The following RORA variants were observed in gnomAD, a reference collection of about 807,000 sequenced individuals.
RORA encodes RAR related orphan receptor A, also known as nuclear receptor ROR-alpha.
RORA carries 7 observed loss-of-function variants against 69.5 expected under a neutral mutation model. That is an observed-to-expected ratio of 0.10 (90% CI 0.06 to 0.19). The LOEUF (loss-of-function observed/expected upper bound fraction) is 0.19. RORA is among the 10% of genes least tolerant of loss of function. RORA has a pLI of 1.00. For missense variants in RORA, 457 were observed against 663.0 expected (o/e 0.69, Z 3.41); for synonymous variants, 261 against 240.8 (o/e 1.08, Z -0.78).
Position 60,531,595 on chromosome 15 carries a change from A to G in RORA, c.282+171T>C. 1.9e-6 allele frequency: 1 copy of G among 539,130 alleles called. No homozygotes were observed. Among genetic ancestry groups the G allele is most frequent in the Non-Finnish European group, 3.2e-6 (1 of 310,516 alleles). 33.4% of individuals were successfully genotyped at this position (539,130 alleles called of 1,614,324 possible). A position where few individuals can be genotyped will look rare whatever the true frequency, so the allele number is the denominator to read the frequency against. ...ATTTTGAAGGAAGGAGTAAAAATAT[A>G]TATAACTTCTTTAATTGTAATTTAA... On this transcript the variant is annotated intron_variant, in intron 3 of 10. Coordinates refer to ENST00000335670, the MANE Select transcript of RORA (RefSeq NM_134261.3). The surrounding 1 kb of genome is among the most constrained non-coding windows in gnomAD (Gnocchi z 4.8).
Position 60,565,977 on chromosome 15 carries a change from C to T in RORA, c.197-34126G>A, listed in dbSNP as rs147517662. On this transcript the variant is annotated intron_variant, in intron 2 of 10. Transcript: ENST00000335670. ...CTGGTAAACTGTTAATTAAGCATTT[C>T]GGTAATATAATGCAAAGTTAATAAC... 1.9e-3 allele frequency among the ~76,000 whole-genome samples: 284 copies of T among 152,204 alleles called. 1 individual carries two copies. The highest frequency in any genetic ancestry group is 2.6e-3 in the Non-Finnish European group (178 of 68,004).
chr15:60,680,960 A>C (rs1330544723), intron 1 of RORA, among the ~76,000 whole-genome samples: 1 of 152,224 alleles, frequency 6.6e-6, no homozygotes, highest in Non-Finnish European at 1.5e-5. Flanking sequence ...ACGACTGTGC[A>C]TGATATTTAA....
chr15:61,073,445 T>C (rs2078399070), intron 1 of RORA, among the ~76,000 whole-genome samples: 1 of 152,156 alleles, frequency 6.6e-6, no homozygotes, highest in South Asian at 2.1e-4. Context: ...TCTAGGCACA[T>C]TTCTTCACAG....
chr15:60,764,440 G>A (rs754817199), intron 1 of RORA, among the ~76,000 whole-genome samples: 4 of 152,024 alleles, frequency 2.6e-5, no homozygotes, highest in Non-Finnish European at 4.4e-5. Context: ...TTCTGTAAAT[G>A]GGGCTCTGGA....
chr15:60,794,627 C>T (rs896634251), intron 1 of RORA, among the ~76,000 whole-genome samples: 1 of 152,196 alleles, frequency 6.6e-6, no homozygotes, highest in Admixed American at 6.5e-5. Flanking sequence ...CCCCAATATC[C>T]CTATGAGCTG....
intron 1 of RORA, among the ~76,000 whole-genome samples, chr15:61,191,378 A>C (rs1249013157): frequency 2.0e-5 from 3 of 151,668 alleles, no homozygotes; most frequent in African/African-American, 4.8e-5. Context: ...AAAAAAAAAA[A>C]AAAGAAAGAA....
intron 1 of RORA, among the ~76,000 whole-genome samples, chr15:60,829,761 G>A (rs1164855472): frequency 1.3e-5 from 2 of 152,230 alleles, no homozygotes; most frequent in African/African-American, 2.4e-5. Context: ...GCCAGTGCTG[G>A]TGATGATCTC....
chr15:60,765,073 G>GTGGGAATCTGAAATGCCTAC (rs1365958233), intron 1 of RORA: 2 of 152,028 alleles, frequency 1.3e-5, no homozygotes, highest in African/African-American at 4.8e-5. Context: ...TGACAAAGTA[G>GTGGGAATCTGAAATGCCTAC]TGGGAATCTG....
chr15:60,763,535 C>T (rs1329925527), intron 1 of RORA, among the ~76,000 whole-genome samples: 1 of 152,176 alleles, frequency 6.6e-6, no homozygotes, highest in African/African-American at 2.4e-5. Flanking sequence ...AGGTTCGCTG[C>T]TGCCAGCCTT....
At chr15:60,543,565 A>T (rs758447819) in intron 2 of RORA, among the ~76,000 whole-genome samples, 3 of 151,842 alleles carry the variant, frequency 2.0e-5, no homozygotes, top group Non-Finnish European at 4.4e-5. Flanking sequence ...TGCAACCTCC[A>T]CTTCCTGGCC....
intron 1 of RORA, among the ~76,000 whole-genome samples, chr15:61,205,636 A>G (rs10454694): frequency 0.96 from 145,730 of 152,298 alleles, 70,030 homozygotes; most frequent in East Asian, 1. Flanking sequence ...ACCTGCAACC[A>G]GAAGAGTGAA....
chr15:60,544,933 A>C (rs2067020827), intron 2 of RORA: 2 of 152,312 alleles, frequency 1.3e-5, no homozygotes. Flanking sequence ...GACACAGAGG[A>C]GTAACTTCTG....
chr15:60,569,759 G>A (rs1883826036), intron 2 of RORA, among the ~76,000 whole-genome samples: 1 of 152,182 alleles, frequency 6.6e-6, no homozygotes, highest in African/African-American at 2.4e-5. Flanking sequence ...GACAAGGAAG[G>A]TTTTGAGTAA....
chr15:60,893,819 C>T (rs1891147766), intron 1 of RORA, among the ~76,000 whole-genome samples: 1 of 152,148 alleles, frequency 6.6e-6, no homozygotes, highest in Admixed American at 6.5e-5. Context: ...TAGAGGTCAC[C>T]TGGCATAACC....
intron 1 of RORA, among the ~76,000 whole-genome samples, chr15:60,937,372 G>A (rs1209422663): frequency 2.0e-5 from 3 of 152,178 alleles, no homozygotes; most frequent in African/African-American, 7.2e-5. Context: ...TTTTGTCTTG[G>A]TGAGAAAGCA....
Position 61,130,867 on chromosome 15 carries a change from A to G in RORA, c.166+98186T>C, listed in dbSNP as rs565989026. On this transcript the variant is annotated intron_variant, in intron 1 of 10. Transcript: ENST00000335670. Reference sequence around the variant, plus strand: ...CACATTTAAAAAACATAGGGCTTCAAGAAGAAATAAAGAAGAGAAGGTGAG... The same window carrying G: ...CACATTTAAAAAACATAGGGCTTCAGGAAGAAATAAAGAAGAGAAGGTGAG... Among the ~76,000 whole-genome samples, 3 of 152,362 alleles carry G rather than the reference A, an allele frequency of 2.0e-5. No individual in the cohort carries two copies. The South Asian group carries it at 6.2e-4, about 32-fold the overall frequency.
At chr15:61,184,777 A>G (rs751435675) in intron 1 of RORA, among the ~76,000 whole-genome samples, 8 of 152,070 alleles carry the variant, frequency 5.3e-5, no homozygotes, top group South Asian at 2.1e-4. Flanking sequence ...TTGAGGCCAG[A>G]TTGTTCAAGA....
At chr15:60,650,990 TA>T (rs1352270052) in intron 2 of RORA, among the ~76,000 whole-genome samples, 1 of 152,112 alleles carries the variant, frequency 6.6e-6, no homozygotes. Flanking sequence ...CTTTTGCCTC[TA>T]ATGTCCGAGT....
chr15:60,842,570 T>G (rs1461228663), intron 1 of RORA, among the ~76,000 whole-genome samples: 1 of 152,210 alleles, frequency 6.6e-6, no homozygotes, highest in Non-Finnish European at 1.5e-5. Flanking sequence ...TTCAGAAGGC[T>G]GACAGTGGGT....
Sources: allele counts gnomAD v4.1 joint callset (sites outside exome capture counted in the v4.1 genomes callset), GRCh38; gene constraint gnomAD v4.1.1; non-coding constraint Gnocchi (gnomAD v3.1); transcripts MANE v1.5; gene names NCBI Gene and HGNC (gene_info 2026-07-23, HGNC 2026-07-21).